Variants in IMPG1 observed in about 807,000 individuals in gnomAD.
IMPG1 encodes the protein interphotoreceptor matrix proteoglycan of 150 kDa.
Under a neutral mutation model 92.0 loss-of-function variants are expected in IMPG1, and 85 were observed. The ratio of observed to expected loss-of-function variants is 0.92; its 90% CI spans 0.78 to 1.11. IMPG1 has a LOEUF of 1.11. Ranked by LOEUF, IMPG1 falls within the 50% of genes least tolerant of loss-of-function variation. IMPG1 has a pLI of 0.00. For synonymous variants in IMPG1, 367 were observed against 334.1 expected (o/e 1.10, Z -1.08); for missense variants, 1,022 against 956.0 (o/e 1.07, Z -0.91).
At chr6:75,923,487 A>G (rs1781466607) in intron 16 of IMPG1, 147 bp downstream of exon 16, 2 of 602,310 alleles carry the variant, frequency 3.3e-6, no homozygotes, top group Admixed American at 6.6e-5. Flanking sequence ...TCCTTGCACT[A>G]GAAAATGTCA....
intron 1 of IMPG1, among the ~76,000 whole-genome samples, chr6:76,065,702 AC>A (rs1784297563): frequency 6.6e-6 from 1 of 152,140 alleles, no homozygotes; most frequent in South Asian, 2.1e-4. Flanking sequence ...AGAAATTTAG[AC>A]ATCCAGTTAT....
intron 15 of IMPG1, among the ~76,000 whole-genome samples, chr6:75,926,322 C>G (rs990882143): frequency 6.6e-6 from 1 of 152,182 alleles, no homozygotes; most frequent in Non-Finnish European, 1.5e-5. Flanking sequence ...AAACCTCCCC[C>G]GTAACCGAAC....
chr6:75,977,911 A>G (rs1295257139), intron 12 of IMPG1, among the ~76,000 whole-genome samples: 1 of 151,942 alleles, frequency 6.6e-6, no homozygotes, highest in African/African-American at 2.4e-5. Flanking sequence ...GTGCTTCCAT[A>G]TATTTTATCC....
At chr6:75,967,617 A>G (rs1382224418) in intron 12 of IMPG1, among the ~76,000 whole-genome samples, 2 of 152,152 alleles carry the variant, frequency 1.3e-5, no homozygotes, top group African/African-American at 4.8e-5. Context: ...GAACGAAGAC[A>G]CCCCTCAAGA....
At chr6:75,982,338 C>T (rs888726808) in intron 12 of IMPG1, among the ~76,000 whole-genome samples, 2 of 151,812 alleles carry the variant, frequency 1.3e-5, no homozygotes, top group Non-Finnish European at 2.9e-5. Context: ...GTCAGGAGTT[C>T]GAGACCAGCC....
chr6:76,066,583 G>T (rs554216383), intron 1 of IMPG1, among the ~76,000 whole-genome samples: 27 of 152,062 alleles, frequency 1.8e-4, no homozygotes, highest in Middle Eastern at 6.8e-3. Flanking sequence ...AACAAAAGAG[G>T]CAGCAATACA....
chr6:76,060,644 A>C (rs536695887), intron 1 of IMPG1, among the ~76,000 whole-genome samples: 2 of 152,322 alleles, frequency 1.3e-5, no homozygotes, highest in South Asian at 4.1e-4. Flanking sequence ...TGGTTGCTGA[A>C]AACTGTCCAC....
intron 12 of IMPG1, among the ~76,000 whole-genome samples, chr6:75,962,637 C>T (rs571000482): frequency 1.5e-4 from 23 of 152,142 alleles, no homozygotes; most frequent in Non-Finnish European, 3.1e-4. Flanking sequence ...AGACAGCGGT[C>T]CAAAAGTCCT....
intron 12 of IMPG1, among the ~76,000 whole-genome samples, chr6:75,982,933 T>C (rs944729309): frequency 2.6e-5 from 4 of 151,954 alleles, no homozygotes; most frequent in African/African-American, 9.7e-5. Flanking sequence ...CATCCATCCC[T>C]CCATCCATTT....
chr6:76,039,638 G>C (rs981558709), intron 2 of IMPG1, among the ~76,000 whole-genome samples: 11 of 152,202 alleles, frequency 7.2e-5, no homozygotes, highest in African/African-American at 1.7e-4. Context: ...TTACAAGTGA[G>C]AGCCACCCAC....
chr6:76,066,583 G>A (rs554216383), intron 1 of IMPG1, among the ~76,000 whole-genome samples: 1 of 152,062 alleles, frequency 6.6e-6, no homozygotes, highest in Admixed American at 6.5e-5. Flanking sequence ...AACAAAAGAG[G>A]CAGCAATACA....
At chr6:75,923,058 A>G (rs922125149) in intron 16 of IMPG1, among the ~76,000 whole-genome samples, 1 of 152,138 alleles carries the variant, frequency 6.6e-6, no homozygotes, top group South Asian at 2.1e-4. Flanking sequence ...TTAAAAAACT[A>G]TGTCAACTAT....
chr6:75,926,486 A>G (rs1781552348), intron 15 of IMPG1, among the ~76,000 whole-genome samples: 1 of 152,224 alleles, frequency 6.6e-6, no homozygotes, highest in African/African-American at 2.4e-5. Context: ...TGATATGATT[A>G]AAACATCCTC....
rs753530316 is a variant in IMPG1 at position 75,923,715 on chromosome 6, G to GA, written c.2244-10dup. On this transcript the variant is annotated splice_polypyrimidine_tract_variant and intron_variant, in intron 15 of 16. Coordinates refer to ENST00000369950, the MANE Select transcript of IMPG1 (RefSeq NM_001563.4). The stretch of plus-strand genomic sequence containing the variant: ...CAGAGTGATCTGGCAACCTACAAAA[G>GA]AAAGCAAAAACATAGTATCTTGTTT... 1.3e-6 allele frequency: 2 copies of GA among 1,560,122 alleles called. No homozygotes were observed. Among genetic ancestry groups the GA allele is most frequent in the Non-Finnish European group, 1.8e-6 (2 of 1,134,994 alleles).
At chr6:76,049,666 G>A (rs138317552) in intron 1 of IMPG1, among the ~76,000 whole-genome samples, 1 of 152,320 alleles carries the variant, frequency 6.6e-6, no homozygotes, top group Non-Finnish European at 1.5e-5. Context: ...TTTGTTGATA[G>A]GGGTGGTGGT....
intron 12 of IMPG1, among the ~76,000 whole-genome samples, chr6:75,985,448 T>C (rs955998096): frequency 3.3e-5 from 5 of 152,092 alleles, no homozygotes; most frequent in African/African-American, 1.2e-4. Flanking sequence ...AGATCAGAGA[T>C]CATAACTTTA....
chr6:75,923,511 G>T, intron 16 of IMPG1, 123 bp downstream of exon 16: 1 of 654,270 alleles, frequency 1.5e-6, no homozygotes, highest in Non-Finnish European at 2.7e-6. Flanking sequence ...CCTTAAAACA[G>T]TAAATTAAAA....
chr6:76,016,229 A>G (rs1238559492), intron 7 of IMPG1, among the ~76,000 whole-genome samples: 1 of 152,212 alleles, frequency 6.6e-6, no homozygotes, highest in Non-Finnish European at 1.5e-5. Context: ...TCTCAGAGCT[A>G]ATTTTTGGCA....
intron 8 of IMPG1, among the ~76,000 whole-genome samples, 175 bp from the exon 9 acceptor site, chr6:76,007,675 T>G (rs553560855): frequency 6.6e-6 from 1 of 152,320 alleles, no homozygotes; most frequent in Non-Finnish European, 1.5e-5. Flanking sequence ...AGAATTTGAA[T>G]GGAAACTTTG....
Sources: gnomAD v4.1 joint callset for allele counts (sites outside exome capture counted in the v4.1 genomes callset) on GRCh38, gnomAD v4.1.1 for gene constraint, MANE v1.5 for transcripts, NCBI Gene and HGNC (gene_info 2026-07-23, HGNC 2026-07-21) for gene names.